The following OSBPL10 variants were observed in gnomAD, a reference collection of about 807,000 sequenced individuals.
OSBPL10 encodes oxysterol binding protein like 10.
A neutral mutation model predicts 81.7 loss-of-function variants in OSBPL10; 49 were observed. That is an observed-to-expected ratio of 0.60 (90% CI 0.48 to 0.76). OSBPL10 has a LOEUF of 0.76. Among genes scored for constraint, OSBPL10 ranks in the 30% least tolerant of loss-of-function variants. The pLI is 0.00. For missense variants in OSBPL10, 923 were observed against 987.8 expected (o/e 0.93, Z 0.88); for synonymous variants, 419 against 383.6 (o/e 1.09, Z -1.08).
chr3:31,889,792 G>A (rs1351631778), intron 1 of OSBPL10, among the ~76,000 whole-genome samples: 1 of 152,092 alleles, frequency 6.6e-6, no homozygotes, highest in Non-Finnish European at 1.5e-5. Flanking sequence ...TAGCTCGGAG[G>A]AGGATATTGC....
Position 31,850,156 on chromosome 3 carries a change from C to T in OSBPL10, c.538-19925G>A, listed in dbSNP as rs556232796. 2.6e-5 allele frequency among the ~76,000 whole-genome samples: 4 copies of T among 152,120 alleles called. No individual in the cohort carries two copies. In the South Asian group the frequency reaches 8.3e-4, roughly 32 times the overall value. ...CTCCAGCCTGGGTGACACAGTGAAA[C>T]TCTGTCTCAAAAAGAAAAAAATTAA... On this transcript the variant is annotated intron_variant, in intron 3 of 11. Transcript: ENST00000396556.
intron 1 of OSBPL10, among the ~76,000 whole-genome samples, chr3:31,902,263 T>A (rs1229390824): frequency 1.4e-5 from 2 of 146,788 alleles, no homozygotes; most frequent in Admixed American, 6.8e-5. Context: ...TCAGTATTTT[T>A]TTTTTTTTTT....
At chr3:31,893,103 G>A (rs1255078354) in intron 1 of OSBPL10, among the ~76,000 whole-genome samples, 1 of 152,150 alleles carries the variant, frequency 6.6e-6, no homozygotes, top group Non-Finnish European at 1.5e-5. Flanking sequence ...CTAACAAGCA[G>A]ATAGAGGGGC....
chr3:31,740,772 C>T (rs906869744), intron 5 of OSBPL10, among the ~76,000 whole-genome samples: 16 of 141,732 alleles, frequency 1.1e-4, no homozygotes, highest in Admixed American at 2.8e-4. Context: ...AGTGAGACTC[C>T]GTATCTCAAA....
At chr3:31,804,165 A>C (rs1296433287) in intron 4 of OSBPL10, among the ~76,000 whole-genome samples, 1 of 152,120 alleles carries the variant, frequency 6.6e-6, no homozygotes, top group Non-Finnish European at 1.5e-5. Context: ...TTAGAAGTCT[A>C]TTTTAAGGAA....
chr3:31,976,396 T>C (rs1698697957), intron 1 of OSBPL10, among the ~76,000 whole-genome samples: 1 of 152,188 alleles, frequency 6.6e-6, no homozygotes, highest in African/African-American at 2.4e-5. Flanking sequence ...CGGTCACATG[T>C]GTGCTAAGTG....
chr3:31,966,196 T>G (rs944015315), intron 1 of OSBPL10, among the ~76,000 whole-genome samples: 1 of 146,518 alleles, frequency 6.8e-6, no homozygotes, highest in Non-Finnish European at 1.5e-5. Context: ...TGTGTGTGTA[T>G]TCACACTTCT....
At chr3:32,026,065 A>AGATAGATGATT (rs1553649792) in intron 2 of OSBPL10, among the ~76,000 whole-genome samples, 31 of 82,238 alleles carry the variant, frequency 3.8e-4, no homozygotes, top group Middle Eastern at 6.0e-3. Flanking sequence ...GATGATAGAT[A>AGATAGATGATT]GATAGATAGA....
At chr3:31,896,747 A>G (rs1258348236) in intron 1 of OSBPL10, among the ~76,000 whole-genome samples, 1 of 152,176 alleles carries the variant, frequency 6.6e-6, no homozygotes, top group Non-Finnish European at 1.5e-5. Context: ...TGGGAAGAAG[A>G]ATGGTGGGCC....
chr3:31,871,277 C>A (rs933654740), intron 3 of OSBPL10, among the ~76,000 whole-genome samples: 1 of 152,062 alleles, frequency 6.6e-6, no homozygotes, highest in Non-Finnish European at 1.5e-5. Flanking sequence ...ATGAGCCCAC[C>A]GGGAGGAAGG....
chr3:31,797,831 C>T (rs1035912971), intron 4 of OSBPL10: 2 of 455,888 alleles, frequency 4.4e-6, no homozygotes, highest in African/African-American at 2.0e-5. Flanking sequence ...GTTGAGCATA[C>T]AAGCCTTCAC....
intron 4 of OSBPL10, among the ~76,000 whole-genome samples, chr3:31,760,974 T>A (rs549870631): frequency 1.4e-5 from 2 of 144,212 alleles, no homozygotes; most frequent in South Asian, 4.3e-4. Flanking sequence ...ACTGCTAAGT[T>A]TTTTTTTTTT....
rs1251418752 is a variant in OSBPL10, at chr3:32,041,643, CTTTCTT to C, written n.298+4842_298+4847del. ...TGAGTTTCTTTCTTTCTTTCTCTTTCTTTCTTTTTCTTTCTTTCTTTCTTTTTTCTT... is the reference window on the plus strand; with the variant it reads ...TGAGTTTCTTTCTTTCTTTCTCTTTCTTTCTTTCTTTCTTTCTTTTTTCTT... On this transcript the variant is annotated intron_variant and non_coding_transcript_variant, in intron 2 of 3. Coordinates refer to the OSBPL10 transcript ENST00000479173. 2.1e-4 allele frequency among the ~76,000 whole-genome samples: 7 copies of C among 32,564 alleles called. No homozygotes were observed. The South Asian group carries it at 5.1e-3, about 24-fold the overall frequency. 21.4% of individuals were successfully genotyped at this position (32,564 alleles called of 152,430 possible).
chr3:31,830,004 C>G, intron 4 of OSBPL10, 36 bp downstream of exon 4: 1 of 1,570,982 alleles, frequency 6.4e-7, no homozygotes, highest in Non-Finnish European at 8.6e-7. Context: ...CCCAACTCCC[C>G]GGGGCTGCTT....
chr3:31,953,123 G>A (rs111245650), intron 1 of OSBPL10, among the ~76,000 whole-genome samples: 23,057 of 151,116 alleles, frequency 0.15, 2,039 homozygotes, highest in South Asian at 0.27. Flanking sequence ...TAGTAGAGAC[G>A]GGGGTCTCAC....
chr3:31,969,488 TACA>T (rs113094462), intron 1 of OSBPL10: 19,605 of 152,278 alleles, frequency 0.13, 2,718 homozygotes, highest in African/African-American at 0.35. Flanking sequence ...AAAGGAGGGC[TACA>T]ACATCACTCG....
chr3:32,009,376 A>T (rs192419780), intron 2 of OSBPL10, among the ~76,000 whole-genome samples: 1 of 152,252 alleles, frequency 6.6e-6, no homozygotes, highest in African/African-American at 2.4e-5. Context: ...TGAGTCTTCA[A>T]ATCCATGTCC....
intron 3 of OSBPL10, among the ~76,000 whole-genome samples, chr3:31,852,378 G>T (rs1251443967): frequency 6.6e-6 from 1 of 152,114 alleles, no homozygotes; most frequent in Non-Finnish European, 1.5e-5. Context: ...CAATGCTCAT[G>T]ACAACCGCTT....
intron 1 of OSBPL10, among the ~76,000 whole-genome samples, chr3:31,927,989 T>C (rs978565197): frequency 5.3e-5 from 8 of 152,044 alleles, no homozygotes; most frequent in Non-Finnish European, 1.2e-4. Context: ...CCGAAAAGGA[T>C]AGGTTGCATG....
Sources: gnomAD v4.1 joint callset for allele counts (sites outside exome capture counted in the v4.1 genomes callset) on GRCh38, gnomAD v4.1.1 for gene constraint, MANE v1.5 for transcripts, NCBI Gene and HGNC (gene_info 2026-07-23, HGNC 2026-07-21) for gene names.